The following PPP6R2 variants were observed in gnomAD, a reference collection of about 807,000 sequenced individuals.
PPP6R2 encodes the protein serine/threonine-protein phosphatase 6 regulatory subunit 2.
In PPP6R2, 62 loss-of-function variants were observed where a neutral mutation model predicts 100.2. The ratio of observed to expected loss-of-function variants is 0.62; its 90% confidence interval spans 0.50 to 0.76. PPP6R2 has a LOEUF of 0.76. PPP6R2 is among the 30% of genes least tolerant of loss of function. The pLI, the probability that PPP6R2 is intolerant of heterozygous loss-of-function variation, is 0.00. For synonymous variants in PPP6R2, 525 were observed against 514.7 expected, an observed-to-expected ratio of 1.02 and a Z score of -0.27; for missense variants, 1,142 against 1,276.3, an observed-to-expected ratio of 0.89 and a Z score of 1.60.
chr22:50,389,087 T>TC (rs1275946206), intron 2 of PPP6R2: 1 of 152,188 alleles, frequency 6.6e-6, no homozygotes, highest in Non-Finnish European at 1.5e-5. Context: ...AAGCTGAACT[T>TC]CAAGTTCCTT....
chr22:50,347,921 G>T (rs1487737551), intron 1 of PPP6R2, among the ~76,000 whole-genome samples: 1 of 151,970 alleles, frequency 6.6e-6, no homozygotes, highest in Non-Finnish European at 1.5e-5. Context: ...AAATGTTGTG[G>T]GTACACAATA....
chr22:50,412,710 C>T (rs1234827883), intron 4 of PPP6R2, among the ~76,000 whole-genome samples: 41 of 126,922 alleles, frequency 3.2e-4, no homozygotes, highest in African/African-American at 1.1e-3. Flanking sequence ...GGCGTGATCT[C>T]GGCTCACTGC....
rs1377057115 is a variant in PPP6R2, at chr22:50,444,631, TG to T, written c.*385del. On this transcript the variant is annotated 3_prime_UTR_variant, in exon 24 of 24. Transcript: ENST00000612753. ...GCTGTTTTTACAGTTTTTTTTTTGT[TG>T]TTGTTTTGTTTTTAAAGAATACAGA... 1 of 247,910 alleles carries T rather than the reference TG, an allele frequency of 4.0e-6. No individual in the cohort carries two copies. 15.4% of individuals were successfully genotyped at this position (247,910 alleles called of 1,614,324 possible).
At chr22:50,426,906 C>T (rs574769632) in intron 10 of PPP6R2, among the ~76,000 whole-genome samples, 9 of 150,740 alleles carry the variant, frequency 6.0e-5, no homozygotes, top group African/African-American at 1.9e-4. Flanking sequence ...ACCAGCTGGC[C>T]GGCCGGGCGC....
intron 1 of PPP6R2, among the ~76,000 whole-genome samples, chr22:50,356,563 AT>A (rs1261352214): frequency 1.3e-5 from 2 of 152,042 alleles, no homozygotes; most frequent in Non-Finnish European, 2.9e-5. Flanking sequence ...CTGTGGACAT[AT>A]GTTATTTCTT....
intron 3 of PPP6R2, 141 bp downstream of exon 3, chr22:50,394,276 G>A: frequency 7.6e-7 from 1 of 1,322,654 alleles, no homozygotes; most frequent in Non-Finnish European, 1.0e-6. Flanking sequence ...GAAGTGAGGA[G>A]GGCACTCCCA....
In PPP6R2 at chr22:50,414,590, C is replaced by T. The variant is rs377146368; in HGVS notation, c.453C>T (p.Ser151=). Reference sequence around the variant, plus strand: ...TGAAGAAGAAGGACAAGTTCATCAGCCTGGTGTTGAAGCACATCGGCACCT... The same window carrying T: ...TGAAGAAGAAGGACAAGTTCATCAGTCTGGTGTTGAAGCACATCGGCACCT... ...TFLKKKDKFI[S]LVLKHIGTSA... Residue 151 remains serine, a synonymous_variant, in exon 5 of 24, where the codon AGC becomes AGT. Transcript: ENST00000612753. 1.2e-6 allele frequency: 2 copies of T among 1,613,876 alleles called. No homozygotes were observed. Among genetic ancestry groups the T allele is most frequent in the African/African-American group, 2.7e-5 (2 of 74,882 alleles).
At chr22:50,417,529 C>T (rs1265466427) in intron 6 of PPP6R2, among the ~76,000 whole-genome samples, 1 of 152,210 alleles carries the variant, frequency 6.6e-6, no homozygotes, top group Non-Finnish European at 1.5e-5. Context: ...CCGATCTATA[C>T]ATACAACCAC....
intron 2 of PPP6R2, among the ~76,000 whole-genome samples, chr22:50,375,749 C>G (rs1241966362): frequency 6.7e-6 from 1 of 149,064 alleles, no homozygotes; most frequent in East Asian, 2.0e-4. Flanking sequence ...CAAGGTGTTT[C>G]TAGCTTGTCA....
chr22:50,423,677 T>C lies in PPP6R2; in HGVS notation c.1125+63T>C, dbSNP rs2061621281. 2 of 1,588,788 alleles carry C rather than the reference T, an allele frequency of 1.3e-6. No homozygotes were observed. The highest frequency in any genetic ancestry group is 8.6e-7 in the Non-Finnish European group (1 of 1,161,922). On this transcript the variant is annotated intron_variant, in intron 10 of 23. Coordinates refer to ENST00000612753, the MANE Select transcript of PPP6R2 (RefSeq NM_001242898.2). This position sits in a 1 kb window ranked among gnomAD's most constrained non-coding sequence, Gnocchi z 4.8. ...GTGTGCCGGGCATGGCCTGTGGACTTGTCAGGAGCAGCAGAGCAGGGCCCC... is the reference window on the plus strand; with the variant it reads ...GTGTGCCGGGCATGGCCTGTGGACTCGTCAGGAGCAGCAGAGCAGGGCCCC...
intron 2 of PPP6R2, among the ~76,000 whole-genome samples, chr22:50,375,785 C>G (rs2051366412): frequency 1.4e-5 from 2 of 145,572 alleles, no homozygotes; most frequent in Admixed American, 1.4e-4. Context: ...GATAAAACCT[C>G]TCTGGAAGAA....
At position 50,422,273 on chromosome 22, in the gene PPP6R2, T is replaced by C. The variant is rs2061440452; in HGVS notation, c.865T>C (p.Ser289Pro). 6.2e-7 allele frequency: 1 copy of C among 1,614,044 alleles called. No homozygotes were observed. The highest frequency in any genetic ancestry group is 2.2e-5 in the East Asian group (1 of 44,868). The change falls in exon 9 of 24, where the codon TCC becomes CCC. Residue 289 changes from serine to proline, a missense_variant. Physicochemically the swap from Ser to Pro is moderately conservative, Grantham distance 74. Transcript: ENST00000612753. ...RRVGTEGLVD[S>P]FSQGLERSYA... is the part of the protein sequence containing the mutation. ...CCACAGGACAGAGGGCTTGGTGGAC[T>C]CCTTTTCTCAGGGACTGGAAAGGTC...
intron 1 of PPP6R2, among the ~76,000 whole-genome samples, chr22:50,371,793 C>T (rs985501731): frequency 3.3e-5 from 5 of 152,142 alleles, no homozygotes; most frequent in Admixed American, 6.6e-5. Context: ...TGCGCCACCA[C>T]ACCCGGCTAA....
At chr22:50,368,070 A>G (rs901464954) in intron 1 of PPP6R2, among the ~76,000 whole-genome samples, 1 of 152,220 alleles carries the variant, frequency 6.6e-6, no homozygotes, top group African/African-American at 2.4e-5. Context: ...TATTTCTTCT[A>G]TGCATTTCAA....
At chr22:50,381,921 A>AG (rs2053152959) in intron 2 of PPP6R2, among the ~76,000 whole-genome samples, 2 of 151,804 alleles carry the variant, frequency 1.3e-5, no homozygotes, top group South Asian at 4.2e-4. Context: ...AAAAAAAAAA[A>AG]GAAAAAAAAG....
chr22:50,412,808 AT>A (rs1164456101), intron 4 of PPP6R2, among the ~76,000 whole-genome samples: 1 of 148,612 alleles, frequency 6.7e-6, no homozygotes, highest in Non-Finnish European at 1.5e-5. Flanking sequence ...TGCCCGGCTA[AT>A]TTTTTTTGTA....
At chr22:50,364,269 G>A (rs1217593172) in intron 1 of PPP6R2, among the ~76,000 whole-genome samples, 1 of 152,048 alleles carries the variant, frequency 6.6e-6, no homozygotes, top group East Asian at 1.9e-4. Context: ...ATGGGAACTT[G>A]GTATATGAGA....
rs1259360775 is a variant in PPP6R2 at position 50,396,967 on chromosome 22, C to T, written c.227+2832C>T. On this transcript the variant is annotated intron_variant, in intron 3 of 23. Transcript: ENST00000612753. ...CCATCCCTCCCACTTTCAAATGTGG[C>T]CCAGTCTGGTGACAAATTAGAGTTG... Among the ~76,000 whole-genome samples the T allele has an allele frequency of 2.0e-5, 3 of 152,140 alleles. No individual in the cohort carries two copies. The East Asian group carries it at 5.8e-4, about 29-fold the overall frequency.
At chr22:50,361,434 A>G (rs894365416) in intron 1 of PPP6R2, among the ~76,000 whole-genome samples, 2 of 152,058 alleles carry the variant, frequency 1.3e-5, no homozygotes, top group Non-Finnish European at 2.9e-5. Context: ...TTGAGCTTTG[A>G]GTGTACGGAT....
Sources: allele counts gnomAD v4.1 joint callset (sites outside exome capture counted in the v4.1 genomes callset), GRCh38; gene constraint gnomAD v4.1.1; non-coding constraint Gnocchi (gnomAD v3.1); transcripts MANE v1.5; gene names NCBI Gene and HGNC (gene_info 2026-07-23, HGNC 2026-07-21).